LZTS3: variants seen among roughly 807,000 people sequenced by gnomAD.
LZTS3 encodes leucine zipper putative tumor suppressor 3.
In LZTS3, 16 loss-of-function variants were observed where a neutral mutation model predicts 50.9. That is an observed-to-expected ratio of 0.31 (90% CI 0.21 to 0.48). The LOEUF (loss-of-function observed/expected upper bound fraction) is 0.48. Among genes scored for constraint, LZTS3 ranks in the 20% least tolerant of loss-of-function variants. LZTS3 has a pLI of 0.99. For missense variants in LZTS3, 816 were observed against 931.0 expected (o/e 0.88, Z 1.61); for synonymous variants, 408 against 410.6 (o/e 0.99, Z 0.08).
At position 3,165,194 on chromosome 20, in the gene LZTS3, A is replaced by G; in HGVS notation, c.1324-42T>C. On this transcript the variant is annotated intron_variant, in intron 4 of 4. Coordinates refer to ENST00000337576, the MANE Select transcript of LZTS3 (RefSeq NM_001365618.1). This position sits in a 1 kb window ranked among gnomAD's most constrained non-coding sequence, Gnocchi z 5.0. ...GAGAGGAGAAGCCAGGTAAAGGCAG[A>G]GCTCTGCTCACCCCAACCCAGCTAC... The G allele has an allele frequency of 6.8e-7, 1 of 1,464,096 alleles. No individual in the cohort carries two copies. Among genetic ancestry groups the G allele is most frequent in the Non-Finnish European group, 9.1e-7 (1 of 1,102,684 alleles). The allele number at this position is 1,464,096 out of a possible 1,614,324, so 90.7% of individuals were successfully genotyped here.
chr20:3,164,741 G>T lies in LZTS3; in HGVS notation c.1735C>A (p.Arg579=). Residue 579 remains arginine, a synonymous_variant, in exon 5 of 5, where the codon CGG becomes AGG. Transcript: ENST00000337576. ...TCAGCCGCCAGCTCGGCCTGCAGCC[G>T]CCCCACCTCCCGCCGCAGGGCCCGC... ...GTRALRREVG[R]LQAELAAERR... is the part of the protein sequence containing the mutation. 6.5e-7 allele frequency: 1 copy of T among 1,531,030 alleles called. No individual in the cohort carries two copies. The highest frequency in any genetic ancestry group is 1.2e-5 in the South Asian group (1 of 82,304). 94.8% of individuals were successfully genotyped at this position (1,531,030 alleles called of 1,614,324 possible). A position where few individuals can be genotyped will look rare whatever the true frequency, so the allele number is the denominator to read the frequency against.
rs1017396424 is a variant in LZTS3 at position 3,166,166 on chromosome 20, G to C, written c.654C>G (p.Asp218Glu). The change falls in exon 4 of 5, where the codon GAC (aspartate) becomes GAG (glutamate). Residue 218 changes from aspartate to glutamate, a missense_variant. Coordinates refer to ENST00000337576, the MANE Select transcript of LZTS3 (RefSeq NM_001365618.1). The part of the protein sequence containing the change: ...PAGGSGSGLS[D>E]SGRNSLTSLP... ...GGCTTGTGAGGGAGTTCCGGCCTGA[G>C]TCTGAGAGGCCACTCCCACTCCCAC... 2.9e-5 allele frequency: 46 copies of C among 1,613,792 alleles called. No individual in the cohort carries two copies. The highest frequency in any genetic ancestry group is 3.8e-5 in the Non-Finnish European group (45 of 1,179,944).
chr20:3,170,608 G>C (rs566313556), intron 1 of LZTS3, among the ~76,000 whole-genome samples: 5 of 151,318 alleles, frequency 3.3e-5, no homozygotes, highest in Admixed American at 6.6e-5. Flanking sequence ...CTGACCAACA[G>C]GGCGAAACCC....
At position 3,164,990 on chromosome 20, in the gene LZTS3, C is replaced by A. The variant is rs2066788304; in HGVS notation, c.1486G>T (p.Asp496Tyr). 1 of 1,558,574 alleles carries A rather than the reference C, an allele frequency of 6.4e-7. No homozygotes were observed. The highest frequency in any genetic ancestry group is 8.7e-7 in the Non-Finnish European group (1 of 1,155,758). ...CTGGCCTGCTTGCTGCTGAAGGAGT[C>A]CCGCAGGCTGAGCAGCTGCTCCTCC... ...EKEEQLLSLR[D>Y]SFSSKQASLE... Residue 496 changes from aspartate to tyrosine, a missense_variant, in exon 5 of 5, where the codon GAC becomes TAC. By Grantham distance (160) the Asp-to-Tyr change is radical. Transcript: ENST00000337576.
rs144489014 is a variant in LZTS3, at chr20:3,166,019, C to A, written c.801G>T (p.Gly267=). Residue 267 remains glycine, a synonymous_variant, in exon 4 of 5, where the codon GGG becomes GGT. Transcript: ENST00000337576. ...AGGTCCCCAGGTCCTGGTAGCCCGA[C>A]CCCCCACCGCTGCTGCCGCCACTAC... ...GSGSGGSSGG[G]SGYQDLGTSD... The A allele has an allele frequency of 2.5e-6, 4 of 1,612,466 alleles. No homozygotes were observed. Among genetic ancestry groups the A allele is most frequent in the East Asian group, 4.5e-5 (2 of 44,876 alleles).
At chr20:3,167,679 G>A (rs1452840760) in intron 2 of LZTS3, 59 bp downstream of exon 2, 5 of 986,766 alleles carry the variant, frequency 5.1e-6, no homozygotes, top group Middle Eastern at 5.2e-4. Context: ...ATTAGGGGAG[G>A]GAGAGAAATA....
At chr20:3,167,430 TGCTCAGCTCAGCTCA>T (rs112333966) in intron 2 of LZTS3, 20 of 1,213,372 alleles carry the variant, frequency 1.6e-5, no homozygotes, top group Admixed American at 1.2e-4. Flanking sequence ...CCCCCAGCGT[TGCTCAGCTCAGCTCA>T]GCTCAGCTCA....
At position 3,167,159 on chromosome 20, in the gene LZTS3, G is replaced by A. The variant is rs369099339; in HGVS notation, c.5C>T (p.Ala2Val). 2.2e-5 allele frequency: 32 copies of A among 1,475,892 alleles called. No individual in the cohort carries two copies. The highest frequency in any genetic ancestry group is 2.8e-5 in the African/African-American group (2 of 71,442). 91.4% of individuals were successfully genotyped at this position (1,475,892 alleles called of 1,614,324 possible). M[A>V]KLETLPVRAD... Reference sequence around the variant, plus strand: ...GCGCACAGGCAGCGTCTCCAGCTTCGCCATGACTAAGCCAGGGGGGCACTG... The same window carrying A: ...GCGCACAGGCAGCGTCTCCAGCTTCACCATGACTAAGCCAGGGGGGCACTG... The change falls in exon 3 of 5, where the codon GCG (alanine) becomes GTG (valine). Residue 2 changes from alanine to valine, a missense_variant. Ala to Val is a moderately conservative substitution (Grantham distance 64). Transcript: ENST00000337576.
chr20:3,167,405 G>C, intron 2 of LZTS3: 1 of 1,319,726 alleles, frequency 7.6e-7, no homozygotes, highest in Non-Finnish European at 9.6e-7. Context: ...AACCCCCAGG[G>C]CTCCATGCAC....
Position 3,163,999 on chromosome 20 carries a change from C to G in LZTS3, c.*455G>C, listed in dbSNP as rs2066766638. 2 of 157,742 alleles carry G rather than the reference C, an allele frequency of 1.3e-5. No individual in the cohort carries two copies. The highest frequency in any genetic ancestry group is 6.5e-5 in the Admixed American group (1 of 15,408). The allele number at this position is 157,742 out of a possible 1,614,324, so 9.8% of individuals were successfully genotyped here. A position where few individuals can be genotyped will look rare whatever the true frequency, so the allele number is the denominator to read the frequency against. ...GGGAGAGAGGTCTGGAGCCCAGGCT[C>G]TGTCAGTTTCAGCAAACCTGGTGCA... On this transcript the variant is annotated 3_prime_UTR_variant, in exon 5 of 5. Coordinates refer to ENST00000337576, the MANE Select transcript of LZTS3 (RefSeq NM_001365618.1). This position sits in a 1 kb window ranked among gnomAD's most constrained non-coding sequence, Gnocchi z 5.2.
Position 3,165,497 on chromosome 20 carries a change from C to T in LZTS3, c.1323G>A (p.Glu441=). 6.5e-7 allele frequency: 1 copy of T among 1,529,674 alleles called. No individual in the cohort carries two copies. Among genetic ancestry groups the T allele is most frequent in the East Asian group, 2.3e-5 (1 of 44,104 alleles). 94.8% of individuals were successfully genotyped at this position (1,529,674 alleles called of 1,614,324 possible). Residue 441 remains glutamate (E), a splice_region_variant and synonymous_variant, in exon 4 of 5, where the codon GAG becomes GAA. Coordinates refer to ENST00000337576, the MANE Select transcript of LZTS3 (RefSeq NM_001365618.1). The surrounding 1 kb of genome is among the most constrained non-coding windows in gnomAD (Gnocchi z 5.0). ...GGAGGCCCAGATCCCCAGCCCGCAC[C>T]TCCCACTTAGTTTCCTCTATCCGGG... ...FLPRIEETKW[E]VCQKAGEISL...
intron 1 of LZTS3, among the ~76,000 whole-genome samples, chr20:3,171,513 C>T (rs1002771385): frequency 6.6e-6 from 1 of 152,000 alleles, no homozygotes; most frequent in African/African-American, 2.4e-5. Flanking sequence ...AAAATCCCAG[C>T]AGATAGCCGG....
chr20:3,171,582 T>C (rs1232251651), intron 1 of LZTS3, among the ~76,000 whole-genome samples: 2 of 151,382 alleles, frequency 1.3e-5, no homozygotes. Flanking sequence ...TGAGAATCGC[T>C]TGAACCCAGG....
In LZTS3 at chr20:3,165,918, T is replaced by C. The variant is rs1396671556; in HGVS notation, c.902A>G (p.Glu301Gly). Residue 301 changes from glutamate to glycine, a missense_variant, in exon 4 of 5, where the codon GAG becomes GGG. Transcript: ENST00000337576. This position sits in a 1 kb window ranked among gnomAD's most constrained non-coding sequence, Gnocchi z 5.0. ...GAAAGGCAGGCCTCCACCTCCGCCC[T>C]CCCCAGAGCCCAGGTGGCCTGGCCG... is the stretch of plus-strand genomic sequence containing the variant. ...MGRPGHLGSG[E>G]GGGGGLPFAA... is the part of the protein sequence containing the mutation. The C allele has an allele frequency of 6.2e-7, 1 of 1,610,524 alleles. No individual in the cohort carries two copies. Among genetic ancestry groups the C allele is most frequent in the Non-Finnish European group, 8.5e-7 (1 of 1,179,874 alleles).
chr20:3,172,703 C>G (rs1223809376), intron 1 of LZTS3, among the ~76,000 whole-genome samples: 1 of 152,062 alleles, frequency 6.6e-6, no homozygotes, highest in Non-Finnish European at 1.5e-5. Context: ...GGCCCTGCAC[C>G]AAGGAAATGC....
Position 3,164,174 on chromosome 20 carries a change from C to G in LZTS3, c.*280G>C. 2.6e-6 allele frequency: 1 copy of G among 384,288 alleles called. No individual in the cohort carries two copies. The highest frequency in any genetic ancestry group is 4.6e-6 in the Non-Finnish European group (1 of 218,608). The allele number at this position is 384,288 out of a possible 1,614,324, so 23.8% of individuals were successfully genotyped here. On this transcript the variant is annotated 3_prime_UTR_variant, in exon 5 of 5. Transcript: ENST00000337576. ...GCCTCCATCTCCAACAAGGGGGTGC[C>G]GAGAAAGGGAGCATGACTCCCCCAC...
Position 3,165,891 on chromosome 20 carries a change from G to T in LZTS3, c.929C>A (p.Ala310Glu). 6.2e-7 allele frequency: 1 copy of T among 1,607,806 alleles called. No individual in the cohort carries two copies. The highest frequency in any genetic ancestry group is 8.5e-7 in the Non-Finnish European group (1 of 1,179,584). The change falls in exon 4 of 5, where the codon GCG (alanine) becomes GAG (glutamate). Residue 310 changes from alanine (A) to glutamate (E), a missense_variant. By Grantham distance (107) the Ala-to-Glu change is moderately radical. Coordinates refer to ENST00000337576, the MANE Select transcript of LZTS3 (RefSeq NM_001365618.1). This position sits in a 1 kb window ranked among gnomAD's most constrained non-coding sequence, Gnocchi z 5.0. ...ACTGGGGGAGGGCGGTGAGCAGGCCGCGAAAGGCAGGCCTCCACCTCCGCC... is the reference window on the plus strand; with the variant it reads ...ACTGGGGGAGGGCGGTGAGCAGGCCTCGAAAGGCAGGCCTCCACCTCCGCC... ...GEGGGGGLPF[A>E]ACSPPSPSAL...
chr20:3,164,345 T>G lies in LZTS3; in HGVS notation c.*109A>C. On this transcript the variant is annotated 3_prime_UTR_variant, in exon 5 of 5. Transcript: ENST00000337576. ...GGTCACAGCTGCTTAGAGAACCTCT[T>G]TGGTCTGGGGTTATGGGGTCTATGG... 5.0e-6 allele frequency: 6 copies of G among 1,200,324 alleles called. No individual in the cohort carries two copies. Among genetic ancestry groups the G allele is most frequent in the Non-Finnish European group, 5.6e-6 (5 of 886,378 alleles). The allele number at this position is 1,200,324 out of a possible 1,614,324, so 74.4% of individuals were successfully genotyped here.
At position 3,167,116 on chromosome 20, in the gene LZTS3, A is replaced by G. The variant is rs6051612; in HGVS notation, c.48T>C (p.Asp16=). ...TLPVRADPGR[D]PLLAFAPRPS... ...GCCGTGGGGCAAAGGCCAGGAGAGG[A>G]TCCCGCCCTGGGTCAGCGCGCACAG... is the stretch of plus-strand genomic sequence containing the variant. The change falls in exon 3 of 5, where the codon GAT becomes GAC. Residue 16 remains aspartate (D), a synonymous_variant. Transcript: ENST00000337576. The G allele has an allele frequency of 0.98, 1,477,215 of 1,512,316 alleles. 721,846 individuals are homozygous for G. Among genetic ancestry groups the G allele is most frequent in the Middle Eastern group, 0.98 (5,296 of 5,378 alleles). The allele number at this position is 1,512,316 out of a possible 1,614,324, so 93.7% of individuals were successfully genotyped here.
Sources: allele counts gnomAD v4.1 joint callset (sites outside exome capture counted in the v4.1 genomes callset), GRCh38; gene constraint gnomAD v4.1.1; non-coding constraint Gnocchi (gnomAD v3.1); transcripts MANE v1.5; gene names NCBI Gene and HGNC (gene_info 2026-07-23, HGNC 2026-07-21).